MICU1: variants seen among roughly 807,000 people sequenced by gnomAD.
The protein encoded by MICU1 is mitochondrial calcium uptake 1.
MICU1 carries 45 observed loss-of-function variants against 56.8 expected under a neutral mutation model. The ratio of observed to expected loss-of-function variants is 0.79; its 90% CI spans 0.62 to 1.02. MICU1 has a LOEUF of 1.02. MICU1 is among the 50% of genes least tolerant of loss of function. MICU1 has a pLI of 0.00. For missense variants in MICU1, 504 were observed against 587.1 expected, an observed-to-expected ratio of 0.86 and a Z score of 1.46; for synonymous variants, 186 against 195.1, an observed-to-expected ratio of 0.95 and a Z score of 0.39.
chr10:72,448,191 ATATTTT>A (rs1397992290), intron 8 of MICU1, among the ~76,000 whole-genome samples: 18 of 39,512 alleles, frequency 4.6e-4, no homozygotes, highest in African/African-American at 1.1e-3. Context: ...ATATATATAT[ATATTTT>A]TTTTTTTTTT....
At chr10:72,513,168 T>A (rs1423556125) in intron 5 of MICU1, among the ~76,000 whole-genome samples, 1 of 152,152 alleles carries the variant, frequency 6.6e-6, no homozygotes. Context: ...TACATTCCCA[T>A]AAGCAATGTA....
chr10:72,491,396 T>A (rs1298320186), intron 6 of MICU1, among the ~76,000 whole-genome samples: 1 of 152,218 alleles, frequency 6.6e-6, no homozygotes, highest in Non-Finnish European at 1.5e-5. Flanking sequence ...CTGCTTCATA[T>A]ATCTGGATTT....
chr10:72,539,695 A>T (rs1839721133), intron 4 of MICU1, among the ~76,000 whole-genome samples: 2 of 152,308 alleles, frequency 1.3e-5, no homozygotes, highest in Admixed American at 6.5e-5. Flanking sequence ...AACAAGAACA[A>T]ACTCAACTAA....
At chr10:72,394,075 C>T (rs147320824) in intron 10 of MICU1, among the ~76,000 whole-genome samples, 123 of 152,116 alleles carry the variant, frequency 8.1e-4, no homozygotes, top group African/African-American at 2.8e-3. Context: ...CTGATAGTGC[C>T]TATTTTTTTG....
At chr10:72,498,360 C>A (rs1262924406) in intron 6 of MICU1, among the ~76,000 whole-genome samples, 1 of 152,050 alleles carries the variant, frequency 6.6e-6, no homozygotes, top group Non-Finnish European at 1.5e-5. Flanking sequence ...CCAAGGTGGG[C>A]GGATCACCTG....
chr10:72,524,629 A>G, intron 5 of MICU1: 1 of 678,916 alleles, frequency 1.5e-6, no homozygotes, highest in Non-Finnish European at 2.1e-6. Flanking sequence ...TTCTGAAGGG[A>G]GCAGGGCAAG....
At chr10:72,530,852 A>G (rs1351124595) in intron 5 of MICU1, among the ~76,000 whole-genome samples, 2 of 152,206 alleles carry the variant, frequency 1.3e-5, no homozygotes, top group African/African-American at 4.8e-5. Context: ...TAAACAGATC[A>G]GGAAAAAAAT....
intron 6 of MICU1, chr10:72,502,866 A>C (rs775760178): frequency 1.5e-4 from 25 of 172,410 alleles, no homozygotes; most frequent in Middle Eastern, 2.5e-3. Flanking sequence ...TGCAAAACTC[A>C]GATTGCAAGG....
chr10:72,479,082 T>C (rs1029212865), intron 6 of MICU1, among the ~76,000 whole-genome samples: 2 of 152,236 alleles, frequency 1.3e-5, no homozygotes, highest in East Asian at 1.9e-4. Context: ...GAGGTGTTTA[T>C]TATTTGACTT....
At chr10:72,497,804 G>A (rs187417174) in intron 6 of MICU1, among the ~76,000 whole-genome samples, 2 of 152,258 alleles carry the variant, frequency 1.3e-5, no homozygotes. Flanking sequence ...ATGGGTGCCT[G>A]GGTCTCCTTT....
At chr10:72,528,499 T>C (rs1398421445) in intron 5 of MICU1, among the ~76,000 whole-genome samples, 1 of 152,196 alleles carries the variant, frequency 6.6e-6, no homozygotes, top group East Asian at 1.9e-4. Flanking sequence ...TTCAGGTCTC[T>C]GGAAGCCAAG....
At chr10:72,551,587 CTT>C (rs1010694541) in intron 3 of MICU1, among the ~76,000 whole-genome samples, 3 of 152,110 alleles carry the variant, frequency 2.0e-5, no homozygotes, top group African/African-American at 7.2e-5. Context: ...GCTCATGTAA[CTT>C]TTGTTTAAAA....
At chr10:72,537,264 T>C (rs1421582999) in intron 4 of MICU1, among the ~76,000 whole-genome samples, 1 of 152,220 alleles carries the variant, frequency 6.6e-6, no homozygotes. Context: ...CTTAAAATGT[T>C]TGGAAGTGGA....
intron 10 of MICU1, among the ~76,000 whole-genome samples, chr10:72,380,959 C>G (rs190514154): frequency 8.5e-5 from 13 of 152,260 alleles, no homozygotes; most frequent in African/African-American, 3.1e-4. Context: ...CTGACTACCC[C>G]CTACAGTGGA....
intron 8 of MICU1, among the ~76,000 whole-genome samples, chr10:72,467,254 G>A (rs1384650670): frequency 6.6e-6 from 1 of 152,044 alleles, no homozygotes; most frequent in Non-Finnish European, 1.5e-5. Context: ...TGCAATCTTG[G>A]CTCACTGCAA....
chr10:72,385,669 C>G (rs76190824), intron 10 of MICU1, among the ~76,000 whole-genome samples: 10,893 of 152,214 alleles, frequency 0.072, 1,340 homozygotes, highest in African/African-American at 0.25. Flanking sequence ...AGAATTCTGA[C>G]GTGCCCCCCG....
rs1287138710 is a variant in MICU1 at position 72,619,575 on chromosome 10, C to T, written c.-2+6435G>A. On this transcript the variant is annotated intron_variant, in intron 1 of 11. Coordinates refer to ENST00000361114, the MANE Select transcript of MICU1 (RefSeq NM_001195518.2). ...CTCAGGATATGATGATGAATAAGAC[C>T]CAGTTTCTGGCATCAAGAATCACTC... 2.6e-5 allele frequency among the ~76,000 whole-genome samples: 4 copies of T among 151,994 alleles called. No individual in the cohort carries two copies. In the South Asian group the frequency reaches 6.2e-4, roughly 24 times the overall value.
chr10:72,508,336 A>C, intron 5 of MICU1, 67 bp from the exon 6 acceptor site: 2 of 621,352 alleles, frequency 3.2e-6, no homozygotes, highest in Non-Finnish European at 2.7e-6. Flanking sequence ...AAATAGTAAG[A>C]GATGAATCAC....
intron 5 of MICU1, chr10:72,509,483 C>A (rs773850063): frequency 1.1e-5 from 12 of 1,122,366 alleles, no homozygotes; most frequent in Non-Finnish European, 1.4e-5. Context: ...CACGAATCAT[C>A]GTGAAGTCAG....
Sources: gnomAD v4.1 joint callset for allele counts (sites outside exome capture counted in the v4.1 genomes callset) on GRCh38, gnomAD v4.1.1 for gene constraint, MANE v1.5 for transcripts, NCBI Gene and HGNC (gene_info 2026-07-23, HGNC 2026-07-21) for gene names.